NLGN1: variants seen among roughly 807,000 people sequenced by gnomAD.
NLGN1 encodes neuroligin-1.
A neutral mutation model predicts 65.5 loss-of-function variants in NLGN1; 12 were observed. The ratio of observed to expected loss-of-function variants is 0.18; its 90% CI spans 0.12 to 0.30. The LOEUF is 0.30. Among genes scored for constraint, NLGN1 ranks in the 10% least tolerant of loss-of-function variants. The pLI is 1.00. For synonymous variants in NLGN1, 350 were observed against 359.5 expected, an observed-to-expected ratio of 0.97 and a Z score of 0.30; for missense variants, 750 against 1,007.1, an observed-to-expected ratio of 0.74 and a Z score of 3.46.
At chr3:173,751,738 G>A (rs879329971) in intron 3 of NLGN1, among the ~76,000 whole-genome samples, 5 of 152,024 alleles carry the variant, frequency 3.3e-5, no homozygotes, top group African/African-American at 1.2e-4. Flanking sequence ...GGTTTAAGGG[G>A]GCTTGGGAAT....
chr3:173,576,952 G>A (rs890430236), intron 2 of NLGN1, among the ~76,000 whole-genome samples: 5 of 152,126 alleles, frequency 3.3e-5, no homozygotes, highest in Non-Finnish European at 7.4e-5. Flanking sequence ...AAGAAACATC[G>A]AGTCAGGTGT....
intron 4 of NLGN1, among the ~76,000 whole-genome samples, chr3:174,005,632 C>T (rs1015578744): frequency 7.2e-5 from 11 of 152,196 alleles, no homozygotes; most frequent in South Asian, 2.1e-4. Context: ...CAACCCCTTA[C>T]GAGCAGACAC....
chr3:174,219,722 C>A lies in NLGN1; in HGVS notation c.647-55593C>A, dbSNP rs532212670. Reference sequence around the variant, plus strand: ...TCCCCAATAGTCCAATGCCTTGGCACAAATCAGATGTTCCATAAACGTTCA... The same window carrying A: ...TCCCCAATAGTCCAATGCCTTGGCAAAAATCAGATGTTCCATAAACGTTCA... On this transcript the variant is annotated intron_variant, in intron 4 of 6. Transcript: ENST00000457714. Among the ~76,000 whole-genome samples the A allele has an allele frequency of 4.5e-4, 69 of 152,196 alleles. 1 individual carries two copies. The highest frequency in any genetic ancestry group is 1.6e-3 in the African/African-American group (66 of 41,542).
At chr3:173,442,281 A>T (rs1173257253) in intron 2 of NLGN1, among the ~76,000 whole-genome samples, 1 of 152,204 alleles carries the variant, frequency 6.6e-6, no homozygotes, top group Non-Finnish European at 1.5e-5. Context: ...TTTCGTGTAT[A>T]AAGAGTATTG....
In NLGN1 at chr3:173,584,399, A is replaced by ATTTTTTTT. The variant is rs66827074; in HGVS notation, c.-320-19854_-320-19847dup. The stretch of plus-strand genomic sequence containing the variant: ...TTAGGGTAAAACCAGGGTCCTCGGC[A>ATTTTTTTT]TTTTTTTTTTTTTTTTTTTTTTTTT... On this transcript the variant is annotated intron_variant, in intron 2 of 6. Transcript: ENST00000457714. Among the ~76,000 whole-genome samples the ATTTTTTTT allele has an allele frequency of 8.8e-4, 27 of 30,820 alleles. 5 individuals are homozygous for ATTTTTTTT. The highest frequency in any genetic ancestry group is 8.2e-3 in the East Asian group (6 of 728). 20.2% of individuals were successfully genotyped at this position (30,820 alleles called of 152,430 possible). A position where few individuals can be genotyped will look rare whatever the true frequency, so the allele number is the denominator to read the frequency against.
At chr3:174,286,381 C>T (rs1752120354) in exon 7 of NLGN1, 1 of 151,316 alleles carries the variant, frequency 6.6e-6, no homozygotes, top group Non-Finnish European at 1.5e-5. Context: ...AAAAACTCAG[C>T]AGATAAATTT....
chr3:173,741,772 C>T lies in NLGN1; in HGVS notation c.494-65908C>T, dbSNP rs887749936. 2.6e-5 allele frequency among the ~76,000 whole-genome samples: 4 copies of T among 152,220 alleles called. No homozygotes were observed. The East Asian group carries it at 5.8e-4, about 22-fold the overall frequency. On this transcript the variant is annotated intron_variant, in intron 3 of 6. Coordinates refer to ENST00000457714, the Ensembl canonical transcript of NLGN1. ...CCTCCCAAAGTGCTGGGATTACAGGCGTGAGCCACTGTGCTCAACCATGCT... is the reference window on the plus strand; with the variant it reads ...CCTCCCAAAGTGCTGGGATTACAGGTGTGAGCCACTGTGCTCAACCATGCT...
At chr3:173,557,830 T>A (rs1448323259) in intron 2 of NLGN1, among the ~76,000 whole-genome samples, 1 of 152,176 alleles carries the variant, frequency 6.6e-6, no homozygotes, top group Non-Finnish European at 1.5e-5. Context: ...ATTTTATATT[T>A]ACACATATAG....
intron 2 of NLGN1, among the ~76,000 whole-genome samples, chr3:173,465,011 A>G (rs1048786081): frequency 1.3e-5 from 2 of 152,212 alleles, no homozygotes; most frequent in African/African-American, 2.4e-5. Flanking sequence ...TCTAAGCTTA[A>G]TTCTATATTA....
chr3:173,668,055 G>A (rs938623079), intron 3 of NLGN1, among the ~76,000 whole-genome samples: 27 of 152,090 alleles, frequency 1.8e-4, no homozygotes, highest in Admixed American at 2.0e-4. Flanking sequence ...AAGGCACAAG[G>A]GATACAATGT....
chr3:173,911,023 A>G (rs1485099078), intron 4 of NLGN1, among the ~76,000 whole-genome samples: 1 of 152,202 alleles, frequency 6.6e-6, no homozygotes, highest in African/African-American at 2.4e-5. Flanking sequence ...CATTTCACAC[A>G]CAAATATTTA....
At chr3:173,751,437 T>G (rs1776284233) in intron 3 of NLGN1, among the ~76,000 whole-genome samples, 1 of 152,094 alleles carries the variant, frequency 6.6e-6, no homozygotes, top group Non-Finnish European at 1.5e-5. Flanking sequence ...TTCAATCCAT[T>G]TTTATTTGCC....
At chr3:173,562,141 G>A (rs147492981) in intron 2 of NLGN1, among the ~76,000 whole-genome samples, 7 of 152,344 alleles carry the variant, frequency 4.6e-5, no homozygotes, top group Non-Finnish European at 5.9e-5. Context: ...GGAATGAAAG[G>A]CAGCACGTTT....
chr3:173,739,741 G>T (rs866379201), intron 3 of NLGN1, among the ~76,000 whole-genome samples: 1 of 152,066 alleles, frequency 6.6e-6, no homozygotes, highest in Non-Finnish European at 1.5e-5. Context: ...TTAAAATAAG[G>T]CTGACGTTCT....
chr3:173,415,965 A>T (rs1713709999), intron 1 of NLGN1, among the ~76,000 whole-genome samples: 1 of 151,358 alleles, frequency 6.6e-6, no homozygotes, highest in Non-Finnish European at 1.5e-5. Flanking sequence ...AGCCTAACAC[A>T]CAATAAGAGT....
At chr3:174,212,196 T>C (rs1443028324) in intron 4 of NLGN1, among the ~76,000 whole-genome samples, 1 of 152,158 alleles carries the variant, frequency 6.6e-6, no homozygotes, top group African/African-American at 2.4e-5. Context: ...CAGTACACCC[T>C]CCGCAGCTGC....
intron 4 of NLGN1, among the ~76,000 whole-genome samples, chr3:173,928,237 A>G (rs543639697): frequency 6.6e-6 from 1 of 152,266 alleles, no homozygotes; most frequent in African/African-American, 2.4e-5. Context: ...AGGGTCACAC[A>G]CTTTTAAGTG....
chr3:174,104,496 C>A (rs1031255090), intron 4 of NLGN1, among the ~76,000 whole-genome samples: 1 of 152,072 alleles, frequency 6.6e-6, no homozygotes, highest in African/African-American at 2.4e-5. Context: ...CCTTACTAGG[C>A]ATAGATTATG....
intron 3 of NLGN1, among the ~76,000 whole-genome samples, chr3:173,722,175 T>C (rs934957660): frequency 2.0e-5 from 3 of 151,990 alleles, no homozygotes; most frequent in African/African-American, 7.2e-5. Flanking sequence ...CAGTAACAAG[T>C]TCTTCAGTAG....
Sources: gnomAD v4.1 joint callset for allele counts (sites outside exome capture counted in the v4.1 genomes callset) on GRCh38, gnomAD v4.1.1 for gene constraint, MANE v1.5 for transcripts, NCBI Gene and HGNC (gene_info 2026-07-23, HGNC 2026-07-21) for gene names.